The following PTPRD variants were observed in gnomAD, a reference collection of about 807,000 sequenced individuals.
PTPRD encodes protein tyrosine phosphatase receptor type D.
PTPRD carries 34 observed loss-of-function variants against 214.5 expected under a neutral mutation model. That is an observed-to-expected ratio of 0.16 (90% CI 0.12 to 0.21). The LOEUF is 0.21. Ranked by LOEUF, PTPRD falls within the 10% of genes least tolerant of loss-of-function variation. The pLI, the probability that PTPRD is intolerant of heterozygous loss-of-function variation, is 1.00. For synonymous variants in PTPRD, 1,128 were observed against 845.7 expected, an observed-to-expected ratio of 1.33 and a Z score of -5.79; for missense variants, 2,545 against 2,398.7, an observed-to-expected ratio of 1.06 and a Z score of -1.27.
At chr9:8,775,450 C>T (rs2095432806) in intron 11 of PTPRD, among the ~76,000 whole-genome samples, 1 of 151,884 alleles carries the variant, frequency 6.6e-6, no homozygotes, top group African/African-American at 2.4e-5. Context: ...AAGCCATATC[C>T]CTGGAAAGGC....
chr9:10,400,770 AT>A (rs1229677004), intron 2 of PTPRD, among the ~76,000 whole-genome samples: 2 of 151,628 alleles, frequency 1.3e-5, no homozygotes, highest in African/African-American at 4.8e-5. Context: ...CTGATATTAT[AT>A]TTTAAAATTA....
At chr9:9,913,019 A>G (rs961725554) in intron 5 of PTPRD, among the ~76,000 whole-genome samples, 1 of 152,204 alleles carries the variant, frequency 6.6e-6, no homozygotes, top group Non-Finnish European at 1.5e-5. Flanking sequence ...AAACATTCTT[A>G]TAAGTTTTTT....
chr9:9,433,413 A>G (rs2083987872), intron 8 of PTPRD, among the ~76,000 whole-genome samples: 1 of 152,180 alleles, frequency 6.6e-6, no homozygotes, highest in Admixed American at 6.5e-5. Flanking sequence ...TTATACTTAA[A>G]GTGGCTTTAT....
At chr9:9,035,880 G>C (rs894752149) in intron 10 of PTPRD, among the ~76,000 whole-genome samples, 2 of 151,992 alleles carry the variant, frequency 1.3e-5, no homozygotes, top group African/African-American at 4.8e-5. Flanking sequence ...AGAATTTCTG[G>C]GTTGGGAGAA....
chr9:9,513,139 C>G lies in PTPRD; in HGVS notation c.-237+61593G>C, dbSNP rs1451537273. Among the ~76,000 whole-genome samples, 3 of 151,830 alleles carry G rather than the reference C, an allele frequency of 2.0e-5. No homozygotes were observed. The East Asian group carries it at 5.8e-4, about 29-fold the overall frequency. ...AAGATAGTATATGTCTGATTTATTTCCTATTAAACAGTATCAGTAAATGGC... is the reference window on the plus strand; with the variant it reads ...AAGATAGTATATGTCTGATTTATTTGCTATTAAACAGTATCAGTAAATGGC... On this transcript the variant is annotated intron_variant, in intron 8 of 45. Coordinates refer to ENST00000381196, the MANE Select transcript of PTPRD (RefSeq NM_002839.4).
intron 2 of PTPRD, among the ~76,000 whole-genome samples, chr9:10,479,990 A>G (rs900847047): frequency 1.3e-5 from 2 of 152,142 alleles, no homozygotes; most frequent in African/African-American, 2.4e-5. Flanking sequence ...ATAAAAAGGG[A>G]GAAGTCTGGA....
At chr9:8,502,000 T>G (rs1333561460) in intron 23 of PTPRD, among the ~76,000 whole-genome samples, 1 of 152,154 alleles carries the variant, frequency 6.6e-6, no homozygotes, top group Non-Finnish European at 1.5e-5. Flanking sequence ...GGAAAAGATA[T>G]AATTTCTGTG....
intron 39 of PTPRD, among the ~76,000 whole-genome samples, chr9:8,349,573 TAAG>T (rs2074851202): frequency 6.6e-6 from 1 of 152,112 alleles, no homozygotes; most frequent in African/African-American, 2.4e-5. Context: ...TGAAACATGA[TAAG>T]AACAGCAAAA....
intron 11 of PTPRD, among the ~76,000 whole-genome samples, chr9:9,017,749 G>T (rs1232205220): frequency 6.6e-6 from 1 of 152,082 alleles, no homozygotes; most frequent in East Asian, 1.9e-4. Flanking sequence ...CAATGAAATA[G>T]ATAAAAATAT....
chr9:10,311,751 A>G (rs1447166173), intron 3 of PTPRD, among the ~76,000 whole-genome samples: 1 of 152,012 alleles, frequency 6.6e-6, no homozygotes, highest in Non-Finnish European at 1.5e-5. Flanking sequence ...TCTAGGAATT[A>G]TAAGATCAAT....
At chr9:10,067,260 G>A (rs2097903950) in intron 3 of PTPRD, among the ~76,000 whole-genome samples, 1 of 151,944 alleles carries the variant, frequency 6.6e-6, no homozygotes, top group Admixed American at 6.6e-5. Flanking sequence ...TTCGGCAAAT[G>A]TAGCTCTCCC....
intron 11 of PTPRD, among the ~76,000 whole-genome samples, chr9:8,783,063 C>T (rs1434512375): frequency 2.0e-5 from 3 of 152,260 alleles, no homozygotes; most frequent in South Asian, 4.1e-4. Context: ...GTTTTAAATT[C>T]AACAACCCAC....
chr9:8,589,878 C>G (rs528249474), intron 14 of PTPRD, among the ~76,000 whole-genome samples: 27 of 152,270 alleles, frequency 1.8e-4, no homozygotes, highest in African/African-American at 6.0e-4. Context: ...CGTTCAATTT[C>G]AAACGTATAT....
chr9:8,639,263 A>T (rs995537119), intron 12 of PTPRD, among the ~76,000 whole-genome samples: 3 of 152,250 alleles, frequency 2.0e-5, no homozygotes, highest in African/African-American at 7.2e-5. Flanking sequence ...CTGCTGTTTC[A>T]AACAATGCAA....
intron 2 of PTPRD, among the ~76,000 whole-genome samples, chr9:10,530,107 C>A (rs1034598321): frequency 6.6e-6 from 1 of 152,056 alleles, no homozygotes; most frequent in Non-Finnish European, 1.5e-5. Context: ...GTGATTGACA[C>A]CCGTACTTAA....
At chr9:10,503,209 A>AAAAAAAAAAAAC (rs1566570259) in intron 2 of PTPRD, among the ~76,000 whole-genome samples, 1 of 92,968 alleles carries the variant, frequency 1.1e-5, no homozygotes, top group Non-Finnish European at 2.0e-5. Flanking sequence ...AAAAAAAAAC[A>AAAAAAAAAAAAC]AAAAAAAACA....
intron 9 of PTPRD, among the ~76,000 whole-genome samples, chr9:9,339,565 G>T (rs1018857749): frequency 6.6e-6 from 1 of 152,120 alleles, no homozygotes; most frequent in Non-Finnish European, 1.5e-5. Context: ...GCCTGGTATA[G>T]TCCTAACTCA....
intron 9 of PTPRD, among the ~76,000 whole-genome samples, chr9:9,260,610 G>A (rs988445964): frequency 1.4e-4 from 22 of 151,822 alleles, no homozygotes; most frequent in African/African-American, 4.8e-4. Context: ...GGTAGGATAG[G>A]GTTGTTGAAA....
At chr9:8,746,130 C>G (rs564932713) in intron 11 of PTPRD, among the ~76,000 whole-genome samples, 34 of 151,840 alleles carry the variant, frequency 2.2e-4, no homozygotes, top group African/African-American at 7.7e-4. Context: ...TAAATGTCAG[C>G]AAGGACATAT....
Sources: allele counts gnomAD v4.1 joint callset (sites outside exome capture counted in the v4.1 genomes callset), GRCh38; gene constraint gnomAD v4.1.1; transcripts MANE v1.5; gene names NCBI Gene and HGNC (gene_info 2026-07-23, HGNC 2026-07-21).